VWA5B1: variants seen among roughly 807,000 people sequenced by gnomAD.
VWA5B1 encodes the protein von Willebrand factor A domain-containing protein 5B1.
A neutral mutation model predicts 118.2 loss-of-function variants in VWA5B1; 115 were observed. That is an observed-to-expected ratio of 0.97 (90% CI 0.84 to 1.14). The LOEUF is 1.14. VWA5B1 is among the 50% of genes most tolerant of loss of function. The probability of loss-of-function intolerance (pLI) is 0.00; values close to 1 mark genes in which losing one functional copy is unlikely to be tolerated. For missense variants in VWA5B1, 1,596 were observed against 1,603.8 expected, an observed-to-expected ratio of 1.00 and a Z score of 0.08; for synonymous variants, 682 against 658.4, an observed-to-expected ratio of 1.04 and a Z score of -0.55.
In VWA5B1 at chr1:20,309,907, C is replaced by CTGTGTGTGTGTGTG. The variant is rs59044353; in HGVS notation, c.-26-633_-26-620dup. ...CACATGGGTCTTGGCGATGGATTGG[C>CTGTGTGTGTGTGTG]TGTGTGTGTGTGTGTGTGTGTGTGT... On this transcript the variant is annotated intron_variant, in intron 1 of 21. Transcript: ENST00000289815. Among the ~76,000 whole-genome samples, 8 of 85,490 alleles carry CTGTGTGTGTGTGTG rather than the reference C, an allele frequency of 9.4e-5. 1 individual carries two copies. The highest frequency in any genetic ancestry group is 2.9e-4 in the African/African-American group (6 of 20,456). The allele number at this position is 85,490 out of a possible 152,430, so 56.1% of individuals were successfully genotyped here. A position where few individuals can be genotyped will look rare whatever the true frequency, so the allele number is the denominator to read the frequency against.
chr1:20,324,079 C>G (rs938686769), intron 8 of VWA5B1, among the ~76,000 whole-genome samples: 1 of 152,238 alleles, frequency 6.6e-6, no homozygotes, highest in Non-Finnish European at 1.5e-5. Context: ...CTTCAGTGGA[C>G]ATGGCCCCTG....
At chr1:20,292,515 G>C (rs1296757493) in intron 1 of VWA5B1, among the ~76,000 whole-genome samples, 1 of 152,212 alleles carries the variant, frequency 6.6e-6, no homozygotes, top group East Asian at 1.9e-4. Flanking sequence ...CGTGTATCGG[G>C]GAACTACATG....
chr1:20,309,643 G>C (rs2088781715), intron 1 of VWA5B1, among the ~76,000 whole-genome samples: 1 of 152,228 alleles, frequency 6.6e-6, no homozygotes, highest in African/African-American at 2.4e-5. Flanking sequence ...CTCTGTCCAA[G>C]AAGCAAGGGA....
In VWA5B1 at chr1:20,350,071, G is replaced by A. The variant is rs557915611; in HGVS notation, c.2879-85G>A. 16 of 1,386,150 alleles carry A rather than the reference G, an allele frequency of 1.2e-5. No individual in the cohort carries two copies. In the East Asian group the frequency reaches 1.3e-4, roughly 11 times the overall value. 85.9% of individuals were successfully genotyped at this position (1,386,150 alleles called of 1,614,324 possible). A position where few individuals can be genotyped will look rare whatever the true frequency, so the allele number is the denominator to read the frequency against. ...GTTCCCCAACCCACCTGCAGACACCGTGAATTAGACCATTGCTCTCCTGAG... is the reference window on the plus strand; with the variant it reads ...GTTCCCCAACCCACCTGCAGACACCATGAATTAGACCATTGCTCTCCTGAG... On this transcript the variant is annotated intron_variant, in intron 18 of 21. Transcript: ENST00000289815.
chr1:20,346,148 G>T (rs2090003581), intron 17 of VWA5B1, among the ~76,000 whole-genome samples: 1 of 152,198 alleles, frequency 6.6e-6, no homozygotes, highest in Non-Finnish European at 1.5e-5. Flanking sequence ...CCTCTGCAGG[G>T]AGCTGTCATC....
At chr1:20,318,447 C>A in intron 5 of VWA5B1, 143 bp from the exon 6 acceptor site, 1 of 1,193,210 alleles carries the variant, frequency 8.4e-7, no homozygotes, top group Non-Finnish European at 1.2e-6. Flanking sequence ...GGCAGCCTGG[C>A]CATGGTCACA....
intron 13 of VWA5B1, 28 bp from the exon 14 acceptor site, chr1:20,337,618 A>T: frequency 6.5e-7 from 1 of 1,534,124 alleles, no homozygotes. Flanking sequence ...TCCCACTCTG[A>T]TGGTTCCCCA....
At chr1:20,291,359 T>TTCTTTCTCTCTCTCTCTC (rs1381113890) in intron 1 of VWA5B1, among the ~76,000 whole-genome samples, 21 of 103,404 alleles carry the variant, frequency 2.0e-4, no homozygotes, top group South Asian at 6.8e-4. Context: ...CTTTCTTTCT[T>TTCTTTCTCTCTCTCTCTC]TCTCTCTCTC....
At chr1:20,331,014 G>C in intron 11 of VWA5B1, 31 bp downstream of exon 11, 1 of 1,509,238 alleles carries the variant, frequency 6.6e-7, no homozygotes, top group Admixed American at 2.2e-5. Flanking sequence ...AGTCCCTTCT[G>C]GTGCTGGAAC....
At chr1:20,324,886 G>A (rs573686103) in intron 8 of VWA5B1, among the ~76,000 whole-genome samples, 7 of 152,322 alleles carry the variant, frequency 4.6e-5, no homozygotes, top group East Asian at 1.9e-4. Flanking sequence ...CCTGCCCACC[G>A]TCAGAGGCAA....
chr1:20,301,310 C>T (rs1192130954), intron 1 of VWA5B1, among the ~76,000 whole-genome samples: 1 of 152,192 alleles, frequency 6.6e-6, no homozygotes, highest in African/African-American at 2.4e-5. Flanking sequence ...TACTGGGGAC[C>T]AGAAACTGGG....
At position 20,355,587 on chromosome 1, in the gene VWA5B1, CCA is replaced by C; in HGVS notation, c.*1327_*1328del. On this transcript the variant is annotated 3_prime_UTR_variant, in exon 22 of 22. Transcript: ENST00000289815. ...CCTGTCCCAACCTTGGAGTGAAGCT[CCA>C]CAGACTTCCCTCGTGGGAAGGCCTT... is the stretch of plus-strand genomic sequence containing the variant. Among the ~76,000 whole-genome samples, 1 of 152,358 alleles carries C rather than the reference CCA, an allele frequency of 6.6e-6. No individual in the cohort carries two copies. The highest frequency in any genetic ancestry group is 1.9e-4 in the East Asian group (1 of 5,166).
intron 1 of VWA5B1, among the ~76,000 whole-genome samples, chr1:20,304,248 C>T (rs1253614362): frequency 6.6e-6 from 1 of 152,058 alleles, no homozygotes; most frequent in East Asian, 1.9e-4. Flanking sequence ...CGGAGGAGAG[C>T]GTGTCTGATG....
intron 10 of VWA5B1, 118 bp from the exon 11 acceptor site, chr1:20,330,751 C>T: frequency 2.9e-6 from 3 of 1,040,734 alleles, no homozygotes; most frequent in Non-Finnish European, 4.4e-6. Context: ...TCTCCCTCTA[C>T]CTGAATATAG....
rs1320022184 is a variant in VWA5B1 at position 20,317,516 on chromosome 1, C to A, written c.564-14C>A. On this transcript the variant is annotated splice_polypyrimidine_tract_variant and intron_variant, in intron 4 of 21. Coordinates refer to ENST00000289815, the MANE Select transcript of VWA5B1 (RefSeq NM_001039500.3). ...CCTGGCTGGTCTCCTTTCCTTCCCC[C>A]GGCCCTTTTCCAGCAAAGACAGGCA... 1 of 1,550,752 alleles carries A rather than the reference C, an allele frequency of 6.4e-7. No homozygotes were observed. The highest frequency in any genetic ancestry group is 2.4e-5 in the East Asian group (1 of 40,888).
chr1:20,353,713 G>T, intron 21 of VWA5B1, 44 bp from the exon 22 acceptor site: 1 of 1,444,040 alleles, frequency 6.9e-7, no homozygotes, highest in Non-Finnish European at 9.1e-7. Context: ...GGCTCCCTGG[G>T]CTAAAACATT....
chr1:20,304,239 G>A (rs10799627), intron 1 of VWA5B1, among the ~76,000 whole-genome samples: 10 of 151,954 alleles, frequency 6.6e-5, no homozygotes, highest in Non-Finnish European at 7.4e-5. Context: ...ATGCAAGCCC[G>A]GAGGAGAGCG....
At chr1:20,337,528 T>C in intron 13 of VWA5B1, 118 bp from the exon 14 acceptor site, 1 of 1,196,760 alleles carries the variant, frequency 8.4e-7, no homozygotes, top group Non-Finnish European at 1.2e-6. Flanking sequence ...CATCTGCATA[T>C]ATTTCAGTAG....
At chr1:20,332,545 A>AAAATAAAATAAAATG (rs1491422341) in intron 11 of VWA5B1, among the ~76,000 whole-genome samples, 10 of 142,336 alleles carry the variant, frequency 7.0e-5, no homozygotes, top group Non-Finnish European at 7.6e-5. Flanking sequence ...AAAATAAAAT[A>AAAATAAAATAAAATG]AAATGCTAAG....
Sources: allele counts gnomAD v4.1 joint callset (sites outside exome capture counted in the v4.1 genomes callset), GRCh38; gene constraint gnomAD v4.1.1; transcripts MANE v1.5; gene names NCBI Gene and HGNC (gene_info 2026-07-23, HGNC 2026-07-21).